Variants in MEF2D observed in about 807,000 individuals in gnomAD.
The protein encoded by MEF2D is myocyte enhancer factor 2D.
In MEF2D, 10 loss-of-function variants were observed where a neutral mutation model predicts 59.3. The observed-to-expected ratio is 0.17, with a 90% confidence interval of 0.10 to 0.29. The LOEUF (loss-of-function observed/expected upper bound fraction) is 0.29. MEF2D is among the 10% of genes least tolerant of loss of function. The pLI is 1.00. For synonymous variants in MEF2D, 305 were observed against 295.0 expected, an observed-to-expected ratio of 1.03 and a Z score of -0.35; for missense variants, 508 against 699.4, an observed-to-expected ratio of 0.73 and a Z score of 3.09.
intron 9 of MEF2D, among the ~76,000 whole-genome samples, chr1:156,471,411 G>A (rs954838726): frequency 2.0e-5 from 3 of 152,206 alleles, no homozygotes; most frequent in Admixed American, 6.5e-5. Flanking sequence ...TTACAGGTGT[G>A]AGCCACCGCG....
At chr1:156,474,654 T>A (rs1278556874) in intron 9 of MEF2D, among the ~76,000 whole-genome samples, 1 of 148,454 alleles carries the variant, frequency 6.7e-6, no homozygotes, top group African/African-American at 2.5e-5. Context: ...ACAAAAAAAA[T>A]GTAAAAAGAG....
Position 156,468,084 on chromosome 1 carries a change from C to T in MEF2D, c.1463G>A (p.Gly488Glu). ...YETGDRDDGRGDFGPTLGLLR... is the reference protein window; with the variant it reads ...YETGDRDDGREDFGPTLGLLR... The stretch of plus-strand genomic sequence containing the variant: ...CAGGCCCAGTGTGGGCCCGAAGTCC[C>T]CCCGTCCGTCATCCCGGTCTCCCGT... Residue 488 changes from glycine to glutamate, a missense_variant, in exon 11 of 12, where the codon GGG becomes GAG. Around this residue, in one of 2 missense-constraint regions of MEF2D, gnomAD observed 481 missense variants for 584.7 expected, o/e 0.82. Transcript: ENST00000348159. This position sits in a 1 kb window ranked among gnomAD's most constrained non-coding sequence, Gnocchi z 4.3. 5 of 1,614,090 alleles carry T rather than the reference C, an allele frequency of 3.1e-6. No homozygotes were observed. Among genetic ancestry groups the T allele is most frequent in the Non-Finnish European group, 4.2e-6 (5 of 1,179,996 alleles).
chr1:156,498,113 A>AAAC (rs1177436326), intron 1 of MEF2D, among the ~76,000 whole-genome samples: 3 of 150,654 alleles, frequency 2.0e-5, no homozygotes, highest in African/African-American at 7.3e-5. Context: ...AAAAAAAAAA[A>AAAC]AAAAAAAAAA....
At chr1:156,479,499 G>A (rs553354984) in intron 5 of MEF2D, 87 bp downstream of exon 5, 2 of 1,512,094 alleles carry the variant, frequency 1.3e-6, no homozygotes, top group South Asian at 1.2e-5. Context: ...GGTGGGTGAA[G>A]AGAAATACTT....
At chr1:156,480,757 C>T (rs1451628265) in intron 4 of MEF2D, 77 bp downstream of exon 4, 3 of 1,610,282 alleles carry the variant, frequency 1.9e-6, no homozygotes, top group African/African-American at 1.3e-5. Flanking sequence ...TCTCACATTC[C>T]CTGTGCTTCT....
chr1:156,491,287 T>C (rs1571266163), intron 1 of MEF2D, among the ~76,000 whole-genome samples: 1 of 152,160 alleles, frequency 6.6e-6, no homozygotes, highest in Non-Finnish European at 1.5e-5. Flanking sequence ...GGTAGCTGGG[T>C]GGACTAGGTA....
intron 6 of MEF2D, among the ~76,000 whole-genome samples, chr1:156,478,189 C>A (rs1043148990): frequency 7.9e-5 from 12 of 152,182 alleles, no homozygotes; most frequent in Non-Finnish European, 1.8e-4. Context: ...AAGAGGGTGA[C>A]ATATTCACCC....
At chr1:156,494,153 G>A (rs1419041966) in intron 1 of MEF2D, among the ~76,000 whole-genome samples, 2 of 152,088 alleles carry the variant, frequency 1.3e-5, no homozygotes, top group Non-Finnish European at 2.9e-5. Context: ...ATGCTTTAAA[G>A]GGAAAATCTC....
Position 156,475,238 on chromosome 1 carries a change from C to A in MEF2D, c.877-1G>T. ...AGACCCCAAGGCGCTGGGCATTGTT[C>A]TGTAGGAGAAAACTGTCCGTCAGGA... On this transcript the variant is annotated splice_acceptor_variant, in intron 8 of 11. Coordinates refer to ENST00000348159, the MANE Select transcript of MEF2D (RefSeq NM_005920.4). LOFTEE classifies it high-confidence loss of function. The A allele has an allele frequency of 6.2e-7, 1 of 1,602,562 alleles. No homozygotes were observed. Among genetic ancestry groups the A allele is most frequent in the South Asian group, 1.1e-5 (1 of 89,540 alleles).
At chr1:156,489,506 G>A (rs144629252) in intron 1 of MEF2D, among the ~76,000 whole-genome samples, 111 of 152,224 alleles carry the variant, frequency 7.3e-4, no homozygotes, top group African/African-American at 2.5e-3. Flanking sequence ...CAGATAAGGA[G>A]AGGGCTAGAG....
At chr1:156,476,932 T>C (rs993365269) in intron 7 of MEF2D, 80 bp downstream of exon 7, 1 of 1,523,324 alleles carries the variant, frequency 6.6e-7, no homozygotes, top group Non-Finnish European at 9.0e-7. Flanking sequence ...CCTTCATCTC[T>C]CCTGCTAGAG....
At chr1:156,474,620 G>A (rs1671445655) in intron 9 of MEF2D, among the ~76,000 whole-genome samples, 1 of 151,994 alleles carries the variant, frequency 6.6e-6, no homozygotes, top group African/African-American at 2.4e-5. Flanking sequence ...AGACTAGCCT[G>A]GGCAACAGAG....
rs988532996 is a variant in MEF2D at position 156,464,963 on chromosome 1, C to T, written c.*2682G>A. ...ATTCATTCATTTATTGAGCACCTAT[C>T]ATTCAACTATTCACCCATTCAGCAT... On this transcript the variant is annotated 3_prime_UTR_variant, in exon 12 of 12. Transcript: ENST00000348159. The T allele has an allele frequency of 4.6e-5, 7 of 152,262 alleles. No individual in the cohort carries two copies. Among genetic ancestry groups the T allele is most frequent in the African/African-American group, 1.7e-4 (7 of 41,456 alleles). The allele number at this position is 152,262 out of a possible 1,614,324, so 9.4% of individuals were successfully genotyped here. A position where few individuals can be genotyped will look rare whatever the true frequency, so the allele number is the denominator to read the frequency against.
At chr1:156,476,389 A>C (rs971820001) in intron 8 of MEF2D, 105 bp downstream of exon 8, 16 of 1,328,882 alleles carry the variant, frequency 1.2e-5, no homozygotes, top group Non-Finnish European at 1.6e-5. Context: ...GCAACAGTTC[A>C]CGCACAGGCG....
In MEF2D at chr1:156,487,075, T is replaced by G. The variant is rs2102191728; in HGVS notation, c.-138-3645A>C. 2.0e-5 allele frequency among the ~76,000 whole-genome samples: 3 copies of G among 152,304 alleles called. No homozygotes were observed. In the South Asian group the frequency reaches 6.2e-4, roughly 32 times the overall value. ...GTGCAGAGGGTGAGACTCTAAAGTC[T>G]TCTAAGGAGCAGCCCTGAGCACATG... On this transcript the variant is annotated intron_variant, in intron 1 of 11. Coordinates refer to ENST00000348159, the MANE Select transcript of MEF2D (RefSeq NM_005920.4).
chr1:156,485,459 C>A (rs937109950), intron 1 of MEF2D, among the ~76,000 whole-genome samples: 1 of 150,796 alleles, frequency 6.6e-6, no homozygotes, highest in African/African-American at 2.4e-5. Context: ...GCCTGGATAT[C>A]TACAGAAAAC....
chr1:156,484,764 A>AT (rs1176071394), intron 1 of MEF2D, among the ~76,000 whole-genome samples: 1 of 152,202 alleles, frequency 6.6e-6, no homozygotes, highest in East Asian at 1.9e-4. Context: ...AGGAGGCACC[A>AT]TAGGATAAGA....
chr1:156,466,362 A>G lies in MEF2D; in HGVS notation c.*1283T>C, dbSNP rs918744555. The stretch of plus-strand genomic sequence containing the variant: ...CGTTTTCCAAAGGTCGCTATTTACA[A>G]TTACAGTAGCCAAGAGGGAAGGTGG... On this transcript the variant is annotated 3_prime_UTR_variant, in exon 12 of 12. Coordinates refer to ENST00000348159, the MANE Select transcript of MEF2D (RefSeq NM_005920.4). 2 of 152,850 alleles carry G rather than the reference A, an allele frequency of 1.3e-5. No homozygotes were observed. Among genetic ancestry groups the G allele is most frequent in the African/African-American group, 4.8e-5 (2 of 41,444 alleles). The allele number at this position is 152,850 out of a possible 1,614,324, so 9.5% of individuals were successfully genotyped here.
rs747091040 is a variant in MEF2D at position 156,468,077 on chromosome 1, G to A, written c.1470C>T (p.Phe490=). The A allele has an allele frequency of 2.5e-6, 4 of 1,613,942 alleles. No individual in the cohort carries two copies. The highest frequency in any genetic ancestry group is 1.1e-5 in the South Asian group (1 of 91,086). Residue 490 remains phenylalanine, a synonymous_variant, in exon 11 of 12, where the codon TTC becomes TTT. Coordinates refer to ENST00000348159, the MANE Select transcript of MEF2D (RefSeq NM_005920.4). The surrounding 1 kb of genome is among the most constrained non-coding windows in gnomAD (Gnocchi z 4.3). ...GGCGCAGCAGGCCCAGTGTGGGCCCGAAGTCCCCCCGTCCGTCATCCCGGT... is the reference window on the plus strand; with the variant it reads ...GGCGCAGCAGGCCCAGTGTGGGCCCAAAGTCCCCCCGTCCGTCATCCCGGT... ...TGDRDDGRGD[F]GPTLGLLRPA...
Sources: gnomAD v4.1 joint callset for allele counts (sites outside exome capture counted in the v4.1 genomes callset) on GRCh38, gnomAD v4.1.1 for gene constraint, gnomAD v4.1.1 regional missense constraint, Gnocchi (gnomAD v3.1) non-coding constraint, MANE v1.5 for transcripts, NCBI Gene and HGNC (gene_info 2026-07-23, HGNC 2026-07-21) for gene names.